The following C4BPB variants were observed in gnomAD, a reference collection of about 807,000 sequenced individuals.
C4BPB encodes the protein C4b-binding protein beta chain.
Under a neutral mutation model 26.6 loss-of-function variants are expected in C4BPB, and 19 were observed. The observed-to-expected ratio is 0.71, with a 90% CI of 0.50 to 1.05. C4BPB has a LOEUF of 1.05. C4BPB is among the 50% of genes least tolerant of loss of function. The pLI is 0.00. For synonymous variants in C4BPB, 118 were observed against 103.5 expected (o/e 1.14, Z -0.85); for missense variants, 282 against 302.9 (o/e 0.93, Z 0.51).
In C4BPB at chr1:207,091,714, C is replaced by A. The variant is rs199537875; in HGVS notation, c.303C>A (p.Asp101Glu). ...CTTCAGGGCCTGTGAATGTAAGTGA[C>A]AAAATCACGTTTATGTGCAATGACC... ...FSSSGPVNVS[D>E]KITFMCNDHY... Residue 101 changes from aspartate to glutamate, a missense_variant, in exon 4 of 7, where the codon GAC becomes GAA. Transcript: ENST00000367078. 6.2e-7 allele frequency: 1 copy of A among 1,613,978 alleles called. No homozygotes were observed. The highest frequency in any genetic ancestry group is 1.3e-5 in the African/African-American group (1 of 75,008).
Position 207,097,313 on chromosome 1 carries a change from C to T in C4BPB, c.503+698C>T, listed in dbSNP as rs543983122. ...CTGCAACCTCTGCCTCCTAGGCTCA[C>T]GAGATCCTCCCACCTCAGCCTCTCT... On this transcript the variant is annotated intron_variant, in intron 5 of 6. Coordinates refer to ENST00000367078, the MANE Select transcript of C4BPB (RefSeq NM_001017365.3). 9.9e-5 allele frequency among the ~76,000 whole-genome samples: 15 copies of T among 151,900 alleles called. No individual in the cohort carries two copies. In the South Asian group the frequency reaches 1.9e-3, roughly 19 times the overall value.
At chr1:207,096,168 C>A (rs1389693703) in intron 4 of C4BPB, 2 of 279,798 alleles carry the variant, frequency 7.1e-6, no homozygotes, top group Middle Eastern at 1.3e-3. Flanking sequence ...ATTTCTTCAG[C>A]CTTCACCTAT....
intron 4 of C4BPB, among the ~76,000 whole-genome samples, chr1:207,093,103 A>G (rs2102307774): frequency 6.6e-6 from 1 of 152,344 alleles, no homozygotes; most frequent in East Asian, 1.9e-4. Flanking sequence ...AATAATTGTT[A>G]GTTGAATTTG....
At chr1:207,091,313 T>C (rs7548990) in intron 3 of C4BPB, among the ~76,000 whole-genome samples, 6,591 of 152,282 alleles carry the variant, frequency 0.043, 457 homozygotes, top group African/African-American at 0.15. Flanking sequence ...AAATACTTGC[T>C]TCAAACATAG....
chr1:207,094,915 A>G (rs1353689783), intron 4 of C4BPB: 2 of 186,024 alleles, frequency 1.1e-5, no homozygotes, highest in Non-Finnish European at 2.3e-5. Context: ...AAGGGCATTA[A>G]GTATTTTGGC....
chr1:207,089,624 A>T, intron 2 of C4BPB, 35 bp downstream of exon 2: 1 of 1,595,250 alleles, frequency 6.3e-7, no homozygotes, highest in Non-Finnish European at 8.6e-7. Context: ...GCTTACAGGC[A>T]TTTGGTGTCC....
intron 4 of C4BPB, among the ~76,000 whole-genome samples, chr1:207,094,542 G>T (rs988082943): frequency 2.6e-5 from 4 of 151,934 alleles, no homozygotes; most frequent in Non-Finnish European, 5.9e-5. Context: ...TAATTCAGTA[G>T]TTTCTATCCT....
At chr1:207,091,600 C>T in intron 3 of C4BPB, 44 bp from the exon 4 acceptor site, 1 of 1,560,770 alleles carries the variant, frequency 6.4e-7, no homozygotes, top group Non-Finnish European at 8.7e-7. Flanking sequence ...CTGTGTTGGG[C>T]TTCAGCTTTG....
chr1:207,099,795 T>C lies in C4BPB; in HGVS notation c.625T>C (p.Phe209Leu). ...KPECEKALLA[F>L]QESKNLCEAM... ...AAAAATTTTCTTTCTTCAGCTTGCCTTTCAGGAGAGTAAGAACCTCTGCGA... is the reference window on the plus strand; with the variant it reads ...AAAAATTTTCTTTCTTCAGCTTGCCCTTCAGGAGAGTAAGAACCTCTGCGA... The change falls in exon 7 of 7, where the codon TTT becomes CTT. Residue 209 changes from phenylalanine (F) to leucine (L), a missense_variant. By Grantham distance (22) the Phe-to-Leu change is conservative (BLOSUM62 0). Transcript: ENST00000367078. 3 of 1,611,500 alleles carry C rather than the reference T, an allele frequency of 1.9e-6. No individual in the cohort carries two copies. The highest frequency in any genetic ancestry group is 2.5e-6 in the Non-Finnish European group (3 of 1,179,252).
At chr1:207,092,418 T>G (rs1684066834) in intron 4 of C4BPB, among the ~76,000 whole-genome samples, 1 of 152,290 alleles carries the variant, frequency 6.6e-6, no homozygotes, top group Non-Finnish European at 1.5e-5. Flanking sequence ...ATTTTTAAAT[T>G]GCTTTTTTTC....
At position 207,098,268 on chromosome 1, in the gene C4BPB, A is replaced by G; in HGVS notation, c.618+4A>G. 6.5e-7 allele frequency: 1 copy of G among 1,537,572 alleles called. No individual in the cohort carries two copies. Among genetic ancestry groups the G allele is most frequent in the Non-Finnish European group, 9.0e-7 (1 of 1,110,282 alleles). On this transcript the variant is annotated splice_donor_region_variant and intron_variant, in intron 6 of 6. Transcript: ENST00000367078. ...ACCAGAGTGTGAGAAGGCACTTGTAAGTAGGAGGCTCATATCTGTCTTGTT... is the reference window on the plus strand; with the variant it reads ...ACCAGAGTGTGAGAAGGCACTTGTAGGTAGGAGGCTCATATCTGTCTTGTT...
At chr1:207,090,907 C>T in intron 3 of C4BPB, among the ~76,000 whole-genome samples, 1 of 152,024 alleles carries the variant, frequency 6.6e-6, no homozygotes, top group East Asian at 1.9e-4. Context: ...TCATGTATAT[C>T]CTCTTTATTA....
chr1:207,092,735 C>G (rs1352637119), intron 4 of C4BPB, among the ~76,000 whole-genome samples: 1 of 149,770 alleles, frequency 6.7e-6, no homozygotes, highest in Middle Eastern at 3.2e-3. Context: ...TCTAGCGATT[C>G]TGCTGCCTCA....
chr1:207,096,195 T>C (rs912874781), intron 4 of C4BPB: 2 of 305,852 alleles, frequency 6.5e-6, no homozygotes, highest in East Asian at 1.0e-4. Flanking sequence ...ATTTTTCTTT[T>C]CTTGTACATT....
rs56073690 is a variant in C4BPB at position 207,090,354 on chromosome 1, C to T, written c.105C>T (p.Val35=). 1,410 of 1,613,652 alleles carry T rather than the reference C, an allele frequency of 8.7e-4. 20 individuals are homozygous for T. In the African/African-American group the frequency reaches 0.016, roughly 18 times the overall value. Residue 35 remains valine (V), a synonymous_variant, in exon 3 of 7, where the codon GTC becomes GTT. Transcript: ENST00000367078. ...ELPPVDNSIF[V]AKEVEGQILG... is the part of the protein sequence containing the mutation. ...CTCCAGTGGACAATAGCATATTTGT[C>T]GCAAAGGAGGTGGAAGGACAGATTC... is the stretch of plus-strand genomic sequence containing the variant.
intron 3 of C4BPB, among the ~76,000 whole-genome samples, chr1:207,091,329 C>G (rs1376486839): frequency 6.6e-6 from 1 of 152,186 alleles, no homozygotes; most frequent in East Asian, 1.9e-4. Flanking sequence ...CATAGTCTCA[C>G]TATTTTGAGC....
intron 4 of C4BPB, among the ~76,000 whole-genome samples, chr1:207,093,072 T>G (rs1239785246): frequency 6.6e-6 from 1 of 152,120 alleles, no homozygotes; most frequent in Non-Finnish European, 1.5e-5. Context: ...TTGAAAAAAA[T>G]CAATGTTTTC....
intron 1 of C4BPB, 164 bp from the exon 2 acceptor site, chr1:207,089,318 T>C: frequency 4.2e-6 from 2 of 475,842 alleles, no homozygotes; most frequent in Non-Finnish European, 7.5e-6. Flanking sequence ...TTTTTGCAGT[T>C]CCTCCCTATA....
chr1:207,091,718 A>G lies in C4BPB; in HGVS notation c.307A>G (p.Ile103Val). ...AGGGCCTGTGAATGTAAGTGACAAAATCACGTTTATGTGCAATGACCACTA... is the reference window on the plus strand; with the variant it reads ...AGGGCCTGTGAATGTAAGTGACAAAGTCACGTTTATGTGCAATGACCACTA... The part of the protein sequence containing the change: ...SSGPVNVSDK[I>V]TFMCNDHYIL... Residue 103 changes from isoleucine to valine, a missense_variant, in exon 4 of 7, where the codon ATC becomes GTC. Coordinates refer to ENST00000367078, the MANE Select transcript of C4BPB (RefSeq NM_001017365.3). 2.0e-5 allele frequency: 32 copies of G among 1,614,104 alleles called. No individual in the cohort carries two copies. The highest frequency in any genetic ancestry group is 2.7e-5 in the Non-Finnish European group (32 of 1,179,990).
Sources: gnomAD v4.1 joint callset for allele counts (sites outside exome capture counted in the v4.1 genomes callset) on GRCh38, gnomAD v4.1.1 for gene constraint, MANE v1.5 for transcripts, NCBI Gene and HGNC (gene_info 2026-07-23, HGNC 2026-07-21) for gene names.